Variants in CACNA1C observed in about 807,000 individuals in gnomAD.
CACNA1C encodes the protein calcium voltage-gated channel subunit alpha1 C, also known as voltage-dependent L-type calcium channel subunit alpha-1C.
CACNA1C carries 30 observed loss-of-function variants against 229.0 expected under a neutral mutation model. That is an observed-to-expected ratio of 0.13 (90% confidence interval 0.10 to 0.18). CACNA1C has a LOEUF of 0.18. CACNA1C is among the 10% of genes least tolerant of loss of function. The pLI, the probability that CACNA1C is intolerant of heterozygous loss-of-function variation, is 1.00. For synonymous variants in CACNA1C, 1,114 were observed against 1,132.5 expected, an observed-to-expected ratio of 0.98 and a Z score of 0.33; for missense variants, 1,658 against 2,845.0, an observed-to-expected ratio of 0.58 and a Z score of 9.49.
chr12:2,234,557 G>A (rs573197750), intron 3 of CACNA1C, among the ~76,000 whole-genome samples: 3 of 152,196 alleles, frequency 2.0e-5, no homozygotes, highest in Admixed American at 6.5e-5. Flanking sequence ...TGGAGCGTTC[G>A]CCCCAGCTTT....
chr12:2,353,353 T>C (rs572085173), intron 3 of CACNA1C, among the ~76,000 whole-genome samples: 1 of 152,304 alleles, frequency 6.6e-6, no homozygotes, highest in Admixed American at 6.5e-5. Context: ...GGGGACAACC[T>C]TGTCCCCCTG....
intron 1 of CACNA1C, among the ~76,000 whole-genome samples, chr12:1,972,367 G>C (rs946548504): frequency 2.0e-5 from 3 of 152,082 alleles, no homozygotes; most frequent in African/African-American, 7.2e-5. Flanking sequence ...ATTTACTATA[G>C]CATTTATCTA....
chr12:2,059,133 T>C (rs1272781895), intron 1 of CACNA1C, among the ~76,000 whole-genome samples: 1 of 152,026 alleles, frequency 6.6e-6, no homozygotes, highest in Non-Finnish European at 1.5e-5. Context: ...GTGTGTACCG[T>C]GTGGGCAGGA....
intron 3 of CACNA1C, among the ~76,000 whole-genome samples, chr12:2,295,997 G>T (rs972352640): frequency 6.6e-6 from 1 of 152,232 alleles, no homozygotes; most frequent in Non-Finnish European, 1.5e-5. Flanking sequence ...AGCAGCCTTG[G>T]TAAGAAGCAG....
At position 2,547,463 on chromosome 12, in the gene CACNA1C, G is replaced by A. The variant is rs145383964; in HGVS notation, c.1391-2480G>A. Reference sequence around the variant, plus strand: ...TGTCTGTGAAAGGAGGCACTCCGGCGGGCATGCTTGATCAGAAGAAAGGGA... The same window carrying A: ...TGTCTGTGAAAGGAGGCACTCCGGCAGGCATGCTTGATCAGAAGAAAGGGA... On this transcript the variant is annotated intron_variant, in intron 9 of 46. Transcript: ENST00000399655. 704 of 779,746 alleles carry A rather than the reference G, an allele frequency of 9.0e-4. 6 individuals carry two copies. The highest frequency in any genetic ancestry group is 8.7e-3 in the South Asian group (650 of 74,600). The allele number at this position is 779,746 out of a possible 1,614,324, so 48.3% of individuals were successfully genotyped here. A position where few individuals can be genotyped will look rare whatever the true frequency, so the allele number is the denominator to read the frequency against.
chr12:2,420,910 G>C (rs1046938855), intron 3 of CACNA1C, among the ~76,000 whole-genome samples: 1 of 152,184 alleles, frequency 6.6e-6, no homozygotes, highest in Admixed American at 6.5e-5. Flanking sequence ...ATGTCCTTGG[G>C]GGTGCTCTGA....
intron 5 of CACNA1C, among the ~76,000 whole-genome samples, chr12:2,484,953 G>A (rs548991922): frequency 6.7e-6 from 1 of 149,598 alleles, no homozygotes; most frequent in Non-Finnish European, 1.5e-5. Flanking sequence ...TAGCTGGGAA[G>A]AATCATTCTA....
At chr12:2,495,720 C>T (rs1295949013) in intron 7 of CACNA1C, among the ~76,000 whole-genome samples, 1 of 152,222 alleles carries the variant, frequency 6.6e-6, no homozygotes, top group African/African-American at 2.4e-5. Context: ...AAGAAACAAT[C>T]CCAGGCTCAT....
chr12:2,165,524 G>GT (rs1177144809), intron 3 of CACNA1C, among the ~76,000 whole-genome samples: 3 of 152,038 alleles, frequency 2.0e-5, no homozygotes, highest in Admixed American at 6.5e-5. Context: ...CTTGCTTTGA[G>GT]TGCTTGGAAA....
chr12:2,145,605 G>C (rs1319770434), intron 3 of CACNA1C, among the ~76,000 whole-genome samples: 1 of 151,218 alleles, frequency 6.6e-6, no homozygotes, highest in Non-Finnish European at 1.5e-5. Context: ...AGTGCCTACT[G>C]TGTACCAGGC....
intron 3 of CACNA1C, among the ~76,000 whole-genome samples, chr12:2,328,673 A>G (rs1012113666): frequency 2.0e-5 from 3 of 152,206 alleles, no homozygotes; most frequent in Non-Finnish European, 4.4e-5. Flanking sequence ...AACTGAATCA[A>G]TGAATGCCAC....
intron 30 of CACNA1C, chr12:2,641,592 C>T (rs1379382683): frequency 4.8e-6 from 3 of 625,808 alleles, no homozygotes; most frequent in Non-Finnish European, 8.7e-6. Flanking sequence ...GCCCCCACCC[C>T]CAACAAACCT....
rs1460921792 is a variant in CACNA1C, at chr12:2,204,951, TTAATTA to T, written c.477+84522_477+84527del. On this transcript the variant is annotated intron_variant, in intron 3 of 46. Coordinates refer to ENST00000399655, the MANE Select transcript of CACNA1C (RefSeq NM_000719.7). ...TAAAACTTTAATAAAAAAAAATAAA[TTAATTA>T]AAAAAAACAAAAACAAAAAAAAAAC... is the stretch of plus-strand genomic sequence containing the variant. Among the ~76,000 whole-genome samples the T allele has an allele frequency of 6.7e-3, 456 of 67,582 alleles. 2 individuals are homozygous for T. The highest frequency in any genetic ancestry group is 0.017 in the African/African-American group (411 of 24,224). 44.3% of individuals were successfully genotyped at this position (67,582 alleles called of 152,430 possible).
upstream of CACNA1C, among the ~76,000 whole-genome samples, chr12:2,052,516 G>C (rs1272690697): frequency 1.3e-5 from 2 of 151,482 alleles, no homozygotes; most frequent in Non-Finnish European, 2.9e-5. Flanking sequence ...CAGCAGGGAC[G>C]CGCCGCCGCA....
At chr12:2,594,482 AT>A (rs2067080560) in intron 19 of CACNA1C, among the ~76,000 whole-genome samples, 1 of 152,170 alleles carries the variant, frequency 6.6e-6, no homozygotes, top group Admixed American at 6.5e-5. Flanking sequence ...GTTTAAACCA[AT>A]TTTTTATCTT....
At chr12:2,190,659 G>T (rs2097183300) in intron 3 of CACNA1C, among the ~76,000 whole-genome samples, 1 of 152,132 alleles carries the variant, frequency 6.6e-6, no homozygotes, top group Non-Finnish European at 1.5e-5. Context: ...AATACAGCCG[G>T]CAGGCGAGGA....
chr12:2,239,702 G>A (rs1409364194), intron 3 of CACNA1C, among the ~76,000 whole-genome samples: 3 of 152,216 alleles, frequency 2.0e-5, no homozygotes, highest in Non-Finnish European at 4.4e-5. Flanking sequence ...TTTTCAGGAA[G>A]CCTGCTCCAG....
intron 3 of CACNA1C, among the ~76,000 whole-genome samples, chr12:2,195,865 T>G (rs1314988018): frequency 6.6e-6 from 1 of 152,176 alleles, no homozygotes; most frequent in African/African-American, 2.4e-5. Context: ...CTTAGTCCAC[T>G]CCTTCATTTT....
rs115175418 is a variant in CACNA1C at position 2,481,014 on chromosome 12, A to T, written c.758-5090A>T. 8.3e-3 allele frequency among the ~76,000 whole-genome samples: 1,259 copies of T among 152,334 alleles called. 17 individuals are homozygous for T. Among genetic ancestry groups the T allele is most frequent in the African/African-American group, 0.028 (1,174 of 41,578 alleles). On this transcript the variant is annotated intron_variant, in intron 5 of 46. Coordinates refer to ENST00000399655, the MANE Select transcript of CACNA1C (RefSeq NM_000719.7). ...GAGGGAAGTATGGGTTGAAGATTAC[A>T]TGAAAAGAATAGAGTCCTTAAGAGG...
Sources: allele counts gnomAD v4.1 joint callset (sites outside exome capture counted in the v4.1 genomes callset), GRCh38; gene constraint gnomAD v4.1.1; transcripts MANE v1.5; gene names NCBI Gene and HGNC (gene_info 2026-07-23, HGNC 2026-07-21).